GABRA3: variants seen among roughly 807,000 people sequenced by gnomAD.
GABRA3 encodes gamma-aminobutyric acid receptor subunit alpha-3.
In GABRA3, 10 loss-of-function variants were observed where a neutral mutation model predicts 30.1. The observed-to-expected ratio is 0.33, with a 90% CI of 0.20 to 0.56. The LOEUF (loss-of-function observed/expected upper bound fraction) is 0.56, where lower values mean the gene tolerates loss of function less well. Ranked by LOEUF, GABRA3 falls within the 20% of genes least tolerant of loss-of-function variation. GABRA3 has a pLI of 0.89. For synonymous variants in GABRA3, 151 were observed against 146.8 expected (o/e 1.03, Z -0.21); for missense variants, 233 against 392.0 (o/e 0.59, Z 3.42).
chrX:152,321,705 C>T (rs898297864), intron 3 of GABRA3, among the ~76,000 whole-genome samples: 1 of 111,753 alleles, frequency 8.9e-6, no homozygotes, highest in Admixed American at 9.5e-5. Flanking sequence ...CTCCACCAAT[C>T]AGTGATTTCG....
rs755349982 is a variant in GABRA3 at position 152,166,899 on chromosome X, AG to A, written c.*1328del. 1 of 111,018 alleles carries A rather than the reference AG, an allele frequency of 9.0e-6. No individual in the cohort carries two copies. Among genetic ancestry groups the A allele is most frequent in the Admixed American group, 9.6e-5 (1 of 10,419 alleles). The allele number at this position is 111,018 out of a possible 1,213,427, so 9.1% of individuals were successfully genotyped here. On this transcript the variant is annotated 3_prime_UTR_variant, in exon 10 of 10. Transcript: ENST00000370314. ...TAGCTCTTTATTAAAGACACTTGTA[AG>A]GAGCCTAGGCAAATCATTCAAACTT...
chrX:152,188,661 T>C (rs1387450825), intron 9 of GABRA3, among the ~76,000 whole-genome samples: 3 of 112,243 alleles, frequency 2.7e-5, no homozygotes, highest in African/African-American at 9.7e-5. Flanking sequence ...TATCTCTTCA[T>C]AATTTATAGC....
At chrX:152,356,425 A>G in intron 2 of GABRA3, among the ~76,000 whole-genome samples, 1 of 111,926 alleles carries the variant, frequency 8.9e-6, no homozygotes, top group South Asian at 3.7e-4. Context: ...AAACATAATT[A>G]AGAAAGTACG....
chrX:152,440,063 G>A (rs774349018), intron 1 of GABRA3, among the ~76,000 whole-genome samples: 1 of 111,994 alleles, frequency 8.9e-6, no homozygotes, highest in African/African-American at 3.2e-5. Context: ...CAGCAAAAGA[G>A]ACTATCATCA....
chrX:152,207,648 T>G (rs1460581519), intron 7 of GABRA3, among the ~76,000 whole-genome samples: 1 of 111,916 alleles, frequency 8.9e-6, no homozygotes, highest in East Asian at 2.8e-4. Context: ...TAATGAAATC[T>G]TTAGGAACAA....
intron 1 of GABRA3, among the ~76,000 whole-genome samples, chrX:152,391,746 G>A (rs1470732269): frequency 2.7e-5 from 3 of 111,364 alleles, no homozygotes; most frequent in African/African-American, 9.8e-5. Flanking sequence ...ATGTGCAAAA[G>A]GAAAAACCAA....
chrX:152,174,125 C>CT (rs1165207343), intron 9 of GABRA3, among the ~76,000 whole-genome samples: 2 of 109,910 alleles, frequency 1.8e-5, no homozygotes, highest in Admixed American at 9.7e-5. Context: ...TGAACTCATC[C>CT]TTTTTTATGG....
Position 152,197,793 on chromosome X carries a change from G to C in GABRA3, c.779-8C>G. ...TCATGACGACATATTCTCCTAAAGA[G>C]AGAGTAAAATTAGGCAGTATGTAGC... On this transcript the variant is annotated splice_region_variant and splice_polypyrimidine_tract_variant and intron_variant, in intron 7 of 9. Coordinates refer to ENST00000370314, the MANE Select transcript of GABRA3 (RefSeq NM_000808.4). The C allele has an allele frequency of 8.4e-7, 1 of 1,195,563 alleles. No individual in the cohort carries two copies. Among genetic ancestry groups the C allele is most frequent in the Non-Finnish European group, 1.1e-6 (1 of 884,159 alleles).
At chrX:152,385,587 T>A (rs1603252101) in intron 1 of GABRA3, among the ~76,000 whole-genome samples, 1 of 112,083 alleles carries the variant, frequency 8.9e-6, no homozygotes, top group Non-Finnish European at 1.9e-5. Flanking sequence ...GCAGAAGCTC[T>A]TTAGTGTAAT....
chrX:152,293,611 CAAT>C (rs1939466536), intron 3 of GABRA3, among the ~76,000 whole-genome samples: 1 of 111,666 alleles, frequency 9.0e-6, no homozygotes, highest in Admixed American at 9.5e-5. Flanking sequence ...ACAATAATAA[CAAT>C]AACAACTGTT....
intron 1 of GABRA3, among the ~76,000 whole-genome samples, chrX:152,392,527 A>G (rs1929516433): frequency 8.9e-6 from 1 of 112,061 alleles, no homozygotes; most frequent in African/African-American, 3.2e-5. Flanking sequence ...TCATACAACC[A>G]TGGAAAATTA....
At chrX:152,179,702 G>C in intron 9 of GABRA3, among the ~76,000 whole-genome samples, 1 of 110,304 alleles carries the variant, frequency 9.1e-6, no homozygotes, top group South Asian at 4.0e-4. Flanking sequence ...CACCATGTTA[G>C]CCAGGATGGT....
intron 3 of GABRA3, among the ~76,000 whole-genome samples, chrX:152,331,882 T>A (rs1174448601): frequency 2.7e-5 from 3 of 111,890 alleles, no homozygotes; most frequent in Non-Finnish European, 5.6e-5. Context: ...AATAAACTTA[T>A]CTTTAGGTTT....
At chrX:152,441,020 AAAAAAG>A (rs1317057577) in intron 1 of GABRA3, among the ~76,000 whole-genome samples, 1 of 110,239 alleles carries the variant, frequency 9.1e-6, no homozygotes, top group Non-Finnish European at 1.9e-5. Flanking sequence ...ATAAAAAAAA[AAAAAAG>A]AAAAGAAAAA....
intron 1 of GABRA3, among the ~76,000 whole-genome samples, chrX:152,364,965 AC>A (rs1352162184): frequency 9.0e-6 from 1 of 111,346 alleles, no homozygotes; most frequent in Non-Finnish European, 1.9e-5. Context: ...AGCTTGGGTT[AC>A]CTCTTATAAT....
chrX:152,197,985 A>G (rs910663242), intron 7 of GABRA3, among the ~76,000 whole-genome samples, 200 bp from the exon 8 acceptor site: 1 of 111,685 alleles, frequency 9.0e-6, no homozygotes, highest in Non-Finnish European at 1.9e-5. Context: ...CTATCAGTGT[A>G]CCAATACAGC....
At chrX:152,433,287 C>A (rs1930694295) in intron 1 of GABRA3, among the ~76,000 whole-genome samples, 1 of 109,318 alleles carries the variant, frequency 9.1e-6, no homozygotes, top group Non-Finnish European at 1.9e-5. Context: ...TGTATCTTAG[C>A]CAAAATAACA....
intron 1 of GABRA3, among the ~76,000 whole-genome samples, chrX:152,449,127 TGAA>T (rs1931158277): frequency 8.9e-6 from 1 of 112,281 alleles, no homozygotes; most frequent in Non-Finnish European, 1.9e-5. Context: ...TTCAACTAAC[TGAA>T]GAACTATTAT....
At chrX:152,256,769 C>T (rs1271323808) in intron 4 of GABRA3, among the ~76,000 whole-genome samples, 1 of 111,877 alleles carries the variant, frequency 8.9e-6, no homozygotes, top group Non-Finnish European at 1.9e-5. Flanking sequence ...TCCTTGAAAG[C>T]AGTGGAGCGT....
Sources: gnomAD v4.1 joint callset for allele counts (sites outside exome capture counted in the v4.1 genomes callset) on GRCh38, gnomAD v4.1.1 for gene constraint, MANE v1.5 for transcripts, NCBI Gene and HGNC (gene_info 2026-07-23, HGNC 2026-07-21) for gene names.